Variants in SLC30A7 observed in about 807,000 individuals in gnomAD.
The protein encoded by SLC30A7 is solute carrier family 30 member 7, also known as zinc transporter 7.
A neutral mutation model predicts 46.0 loss-of-function variants in SLC30A7; 35 were observed. That is an observed-to-expected ratio of 0.76 (90% CI 0.58 to 1.01). The LOEUF (loss-of-function observed/expected upper bound fraction) is 1.01, where lower values mean the gene tolerates loss of function less well. SLC30A7 is among the 50% of genes least tolerant of loss of function. The pLI, the probability that SLC30A7 is intolerant of heterozygous loss-of-function variation, is 0.00. For synonymous variants in SLC30A7, 147 were observed against 157.8 expected, an observed-to-expected ratio of 0.93 and a Z score of 0.51; for missense variants, 464 against 451.1, an observed-to-expected ratio of 1.03 and a Z score of -0.26.
At position 100,974,862 on chromosome 1, in the gene SLC30A7, T is replaced by C; in HGVS notation, c.*5T>C. 1 of 1,598,026 alleles carries C rather than the reference T, an allele frequency of 6.3e-7. No individual in the cohort carries two copies. Among genetic ancestry groups the C allele is most frequent in the African/African-American group, 1.3e-5 (1 of 74,834 alleles). ...ATTGACTTTGCAGCCATGTAGTGAATGGAAAGAAATTATGCACCTTTTATG... is the reference window on the plus strand; with the variant it reads ...ATTGACTTTGCAGCCATGTAGTGAACGGAAAGAAATTATGCACCTTTTATG... On this transcript the variant is annotated 3_prime_UTR_variant, in exon 11 of 11. Coordinates refer to ENST00000357650, the MANE Select transcript of SLC30A7 (RefSeq NM_133496.5).
At chr1:100,983,291 A>T (rs536871457), downstream of SLC30A7, among the ~76,000 whole-genome samples, 41 of 150,228 alleles carry the variant, frequency 2.7e-4, no homozygotes, top group African/African-American at 9.0e-4. Context: ...ACTTTTTTTC[A>T]TTCTTTCCAA....
At chr1:100,899,919 C>A (rs572937811) in intron 2 of SLC30A7, among the ~76,000 whole-genome samples, 2 of 151,700 alleles carry the variant, frequency 1.3e-5, no homozygotes, top group East Asian at 3.9e-4. Context: ...GTCTTTATTC[C>A]ACTCAGCCAT....
chr1:100,970,249 G>A (rs1332906752), intron 10 of SLC30A7, among the ~76,000 whole-genome samples: 2 of 152,028 alleles, frequency 1.3e-5, no homozygotes, highest in African/African-American at 4.8e-5. Context: ...TACAATGTAA[G>A]TGATAGTTTT....
chr1:100,922,584 T>C (rs779217738), intron 8 of SLC30A7, among the ~76,000 whole-genome samples: 2 of 152,212 alleles, frequency 1.3e-5, no homozygotes, highest in Non-Finnish European at 2.9e-5. Flanking sequence ...AAATGCTACC[T>C]GAAATGAATT....
chr1:100,974,001 T>C (rs1303270311), intron 10 of SLC30A7, among the ~76,000 whole-genome samples: 1 of 152,140 alleles, frequency 6.6e-6, no homozygotes, highest in Non-Finnish European at 1.5e-5. Context: ...ACAGCAAATA[T>C]GGATAACTCT....
intron 2 of SLC30A7, among the ~76,000 whole-genome samples, chr1:100,904,285 T>C (rs928084304): frequency 3.3e-5 from 5 of 152,216 alleles, no homozygotes; most frequent in Non-Finnish European, 7.4e-5. Flanking sequence ...TTTCCTCAGC[T>C]GTGTCCAGTC....
intron 6 of SLC30A7, among the ~76,000 whole-genome samples, chr1:100,915,188 C>CCCTCCCTTCCTCCCTTCT (rs1652415450): frequency 8.1e-6 from 1 of 123,736 alleles, no homozygotes; most frequent in African/African-American, 3.0e-5. Context: ...CTTTTCTTTT[C>CCCTCCCTTCCTCCCTTCT]TTTCTTTTCT....
chr1:100,991,823 G>C, the SLC30A7 span, among the ~76,000 whole-genome samples: 1 of 148,218 alleles, frequency 6.7e-6, no homozygotes. Context: ...TGGGCCAGGC[G>C]TGGTGGTTCA....
chr1:100,897,525 T>C (rs191778481), intron 2 of SLC30A7, among the ~76,000 whole-genome samples: 1 of 152,338 alleles, frequency 6.6e-6, no homozygotes. Flanking sequence ...TTGGGTTCCC[T>C]GTACTAAATC....
At chr1:100,904,414 AT>A (rs1295081512) in intron 2 of SLC30A7, among the ~76,000 whole-genome samples, 2 of 151,750 alleles carry the variant, frequency 1.3e-5, no homozygotes, top group Non-Finnish European at 2.9e-5. Context: ...ACTGGTTCAT[AT>A]TTTTTTGTCC....
downstream of SLC30A7, among the ~76,000 whole-genome samples, chr1:100,984,956 T>C (rs1305585627): frequency 6.6e-6 from 1 of 152,094 alleles, no homozygotes; most frequent in East Asian, 1.9e-4. Context: ...CAAATAATCT[T>C]GAAACAAATG....
At chr1:100,914,430 C>T (rs6577213) in intron 6 of SLC30A7, among the ~76,000 whole-genome samples, 4,333 of 152,112 alleles carry the variant, frequency 0.028, 186 homozygotes, top group African/African-American at 0.095. Flanking sequence ...TTAAGCATCA[C>T]GAGGCCTTTT....
chr1:100,991,085 T>C, the SLC30A7 span, among the ~76,000 whole-genome samples: 4 of 152,192 alleles, frequency 2.6e-5, no homozygotes, highest in African/African-American at 9.6e-5. Context: ...ATTAGCTGTG[T>C]GATAAACTTC....
the SLC30A7 span, among the ~76,000 whole-genome samples, chr1:100,993,953 AG>A: frequency 4.6e-5 from 7 of 152,048 alleles, no homozygotes; most frequent in African/African-American, 1.7e-4. Flanking sequence ...CATCTTGGCC[AG>A]GCTGGTCTCG....
chr1:100,966,881 C>T (rs1421084613), intron 10 of SLC30A7, among the ~76,000 whole-genome samples: 1 of 152,176 alleles, frequency 6.6e-6, no homozygotes, highest in East Asian at 1.9e-4. Flanking sequence ...AAACTATGGT[C>T]ACCTACTGAG....
chr1:100,916,290 G>A (rs1570525075), intron 6 of SLC30A7, among the ~76,000 whole-genome samples: 1 of 151,990 alleles, frequency 6.6e-6, no homozygotes. Flanking sequence ...GGGTTCAAGT[G>A]AATCTCCTGC....
Position 100,979,216 on chromosome 1 carries a change from A to G in SLC30A7, c.*4359A>G, listed in dbSNP as rs1656753504. ...CTCTTCATGAAAGCATTACCTTTGGAAAGTTAAACTTTTTTTTTCCTTTCA... is the reference window on the plus strand; with the variant it reads ...CTCTTCATGAAAGCATTACCTTTGGGAAGTTAAACTTTTTTTTTCCTTTCA... On this transcript the variant is annotated 3_prime_UTR_variant, in exon 11 of 11. Coordinates refer to ENST00000357650, the MANE Select transcript of SLC30A7 (RefSeq NM_133496.5). 1.3e-5 allele frequency: 2 copies of G among 152,136 alleles called. No homozygotes were observed. The highest frequency in any genetic ancestry group is 2.9e-5 in the Non-Finnish European group (2 of 68,006). 9.4% of individuals were successfully genotyped at this position (152,136 alleles called of 1,614,324 possible). A position where few individuals can be genotyped will look rare whatever the true frequency, so the allele number is the denominator to read the frequency against.
Position 100,911,205 on chromosome 1 carries a change from TATTA to T in SLC30A7, c.384+61_384+64del, listed in dbSNP as rs986995054. 39 of 1,237,576 alleles carry T rather than the reference TATTA, an allele frequency of 3.2e-5. 1 individual carries two copies. The Middle Eastern group carries it at 7.7e-4, about 24-fold the overall frequency. The allele number at this position is 1,237,576 out of a possible 1,614,324, so 76.7% of individuals were successfully genotyped here. ...ATTACATTTCTGTAATGAAAATGTTTATTAATTAAAGATATATGTAAGTTTTTTT... is the reference window on the plus strand; with the variant it reads ...ATTACATTTCTGTAATGAAAATGTTTATTAAAGATATATGTAAGTTTTTTT... On this transcript the variant is annotated intron_variant, in intron 4 of 10. Transcript: ENST00000357650.
chr1:100,912,960 T>C (rs895532446), intron 5 of SLC30A7, among the ~76,000 whole-genome samples: 10 of 152,146 alleles, frequency 6.6e-5, no homozygotes, highest in African/African-American at 2.4e-4. Flanking sequence ...TTTTTTCATA[T>C]AGTGCAGTGC....
Sources: allele counts gnomAD v4.1 joint callset (sites outside exome capture counted in the v4.1 genomes callset), GRCh38; gene constraint gnomAD v4.1.1; transcripts MANE v1.5; gene names NCBI Gene and HGNC (gene_info 2026-07-23, HGNC 2026-07-21).